SEMA4D: variants seen among roughly 807,000 people sequenced by gnomAD.
The protein encoded by SEMA4D is semaphorin-4D.
SEMA4D carries 22 observed loss-of-function variants against 74.8 expected under a neutral mutation model. The observed-to-expected ratio is 0.29, with a 90% CI of 0.21 to 0.42. The LOEUF is 0.42. Ranked by LOEUF, SEMA4D falls within the 10% of genes least tolerant of loss-of-function variation. The pLI is 1.00. For missense variants in SEMA4D, 937 were observed against 1,118.4 expected (o/e 0.84, Z 2.31); for synonymous variants, 445 against 463.7 (o/e 0.96, Z 0.52).
Position 89,468,870 on chromosome 9 carries a change from C to A in SEMA4D, c.-309-12917G>T, listed in dbSNP as rs113911408. Among the ~76,000 whole-genome samples, 862 of 152,234 alleles carry A rather than the reference C, an allele frequency of 5.7e-3. 7 individuals carry two copies. Among genetic ancestry groups the A allele is most frequent in the African/African-American group, 0.02 (819 of 41,550 alleles). On this transcript the variant is annotated intron_variant, in intron 1 of 15. Transcript: ENST00000422704. ...TAACTTACCACTCAGGCACCAAAGG[C>A]TACCCCAGGGCTTAAAAGCCTTAAT...
intron 1 of SEMA4D, among the ~76,000 whole-genome samples, chr9:89,490,090 T>G (rs1825510057): frequency 6.6e-6 from 1 of 152,126 alleles, no homozygotes. Context: ...GTGGCTTTGA[T>G]TCACATTTCC....
chr9:89,412,929 C>G (rs183717078), intron 2 of SEMA4D, among the ~76,000 whole-genome samples: 78 of 152,262 alleles, frequency 5.1e-4, no homozygotes, highest in Non-Finnish European at 1.0e-3. Context: ...TCTGCCGGCC[C>G]TGCGAGTTCT....
At chr9:89,373,550 C>T (rs552962788), downstream of SEMA4D, among the ~76,000 whole-genome samples, 25 of 152,298 alleles carry the variant, frequency 1.6e-4, no homozygotes, top group Non-Finnish European at 3.1e-4. Context: ...GGCACCAGGA[C>T]GCAGCATGGG....
At chr9:89,374,624 T>C (rs4877077), downstream of SEMA4D, among the ~76,000 whole-genome samples, 31,792 of 152,186 alleles carry the variant, frequency 0.21, 3,822 homozygotes, top group South Asian at 0.34. Flanking sequence ...GGTTGAAATA[T>C]CTGGGGTGGT....
At chr9:89,450,844 A>G in intron 2 of SEMA4D, 1 of 606,774 alleles carries the variant, frequency 1.6e-6, no homozygotes, top group Non-Finnish European at 2.8e-6. Flanking sequence ...TTCTCCACCT[A>G]GGACTGCCAG....
At chr9:89,479,419 A>G (rs1862597304) in intron 1 of SEMA4D, among the ~76,000 whole-genome samples, 3 of 152,174 alleles carry the variant, frequency 2.0e-5, no homozygotes, top group African/African-American at 7.2e-5. Context: ...TGTTACTTCA[A>G]CACCTCAGCC....
chr9:89,385,943 A>T, intron 13 of SEMA4D: 13 of 981,158 alleles, frequency 1.3e-5, no homozygotes, highest in Non-Finnish European at 1.6e-5. Flanking sequence ...AGGTGGAGAC[A>T]GCTTTACAGA....
chr9:89,411,176 G>C (rs1285038580), intron 2 of SEMA4D, among the ~76,000 whole-genome samples: 1 of 152,202 alleles, frequency 6.6e-6, no homozygotes, highest in Non-Finnish European at 1.5e-5. Flanking sequence ...CTGTGGCTTT[G>C]TTCTCAGAAA....
intron 9 of SEMA4D, among the ~76,000 whole-genome samples, chr9:89,390,171 C>G (rs184108867): frequency 6.6e-6 from 1 of 152,306 alleles, no homozygotes; most frequent in African/African-American, 2.4e-5. Flanking sequence ...CTTGGCTTCC[C>G]GATGGCAGGG....
At chr9:89,444,491 A>AT (rs1474347465) in intron 2 of SEMA4D, among the ~76,000 whole-genome samples, 1 of 152,180 alleles carries the variant, frequency 6.6e-6, no homozygotes, top group East Asian at 1.9e-4. Flanking sequence ...GGGATGGAGG[A>AT]TCCCCAGACG....
intron 16 of SEMA4D, chr9:89,364,892 CTATT>C (rs1833364202): frequency 8.1e-6 from 1 of 122,880 alleles, no homozygotes; most frequent in Non-Finnish European, 1.6e-5. Flanking sequence ...CTCCTAGACA[CTATT>C]TGTTCCAGGT....
In SEMA4D at chr9:89,467,597, T is replaced by G. The variant is rs1462351145; in HGVS notation, c.-309-11644A>C. The stretch of plus-strand genomic sequence containing the variant: ...CCCAGGCTGGAGTGCAGTGGTACAA[T>G]CTCAGCTTACTGCAACCTCTGCCTC... On this transcript the variant is annotated intron_variant, in intron 1 of 15. Coordinates refer to ENST00000422704, the MANE Select transcript of SEMA4D (RefSeq NM_001371194.2). Among the ~76,000 whole-genome samples, 38 of 148,850 alleles carry G rather than the reference T, an allele frequency of 2.6e-4. 2 individuals carry two copies. The Admixed American group carries it at 2.6e-3, about 10-fold the overall frequency.
At chr9:89,414,231 G>T (rs542042168) in intron 2 of SEMA4D, among the ~76,000 whole-genome samples, 1 of 152,344 alleles carries the variant, frequency 6.6e-6, no homozygotes, top group African/African-American at 2.4e-5. Flanking sequence ...GATCTCTGGT[G>T]ACAGCTGTGG....
At chr9:89,386,644 G>C (rs1195206405) in intron 12 of SEMA4D, 162 bp from the exon 13 acceptor site, 1 of 569,252 alleles carries the variant, frequency 1.8e-6, no homozygotes, top group Non-Finnish European at 3.1e-6. Flanking sequence ...AAAGGAAAAG[G>C]CTTTGGCAAA....
At chr9:89,461,310 G>C (rs1050177597) in intron 1 of SEMA4D, among the ~76,000 whole-genome samples, 2 of 152,144 alleles carry the variant, frequency 1.3e-5, no homozygotes, top group African/African-American at 4.8e-5. Flanking sequence ...TATCAGCAAC[G>C]AGCAGAAATT....
chr9:89,466,447 T>C (rs904576317), intron 1 of SEMA4D, among the ~76,000 whole-genome samples: 1 of 152,096 alleles, frequency 6.6e-6, no homozygotes, highest in African/African-American at 2.4e-5. Flanking sequence ...CTACAACACC[T>C]GGGACACGCT....
intron 2 of SEMA4D, among the ~76,000 whole-genome samples, chr9:89,423,241 G>A (rs188027522): frequency 1.3e-5 from 2 of 151,352 alleles, no homozygotes. Flanking sequence ...GCCCAGGCTG[G>A]AGTGCAATGG....
downstream of SEMA4D, chr9:89,377,171 T>C: frequency 7.0e-7 from 1 of 1,420,854 alleles, no homozygotes. Flanking sequence ...AGCCCAGCTG[T>C]CCCGCCTGGG....
intron 2 of SEMA4D, chr9:89,418,058 G>A (rs1423580642): frequency 2.0e-6 from 2 of 982,262 alleles, no homozygotes; most frequent in Non-Finnish European, 2.4e-6. Flanking sequence ...GGTTTTACCT[G>A]TATCTTATGC....
Sources: gnomAD v4.1 joint callset for allele counts (sites outside exome capture counted in the v4.1 genomes callset) on GRCh38, gnomAD v4.1.1 for gene constraint, MANE v1.5 for transcripts, NCBI Gene and HGNC (gene_info 2026-07-23, HGNC 2026-07-21) for gene names.